UBR3: variants seen among roughly 807,000 people sequenced by gnomAD.
The protein encoded by UBR3 is E3 ubiquitin-protein ligase UBR3.
UBR3 carries 85 observed loss-of-function variants against 243.2 expected under a neutral mutation model. The ratio of observed to expected loss-of-function variants is 0.35; its 90% CI spans 0.29 to 0.42. UBR3 has a LOEUF of 0.42. Ranked by LOEUF, UBR3 falls within the 10% of genes least tolerant of loss-of-function variation. The pLI, the probability that UBR3 is intolerant of heterozygous loss-of-function variation, is 1.00. For missense variants in UBR3, 1,686 were observed against 2,300.8 expected (o/e 0.73, Z 5.47); for synonymous variants, 748 against 799.8 (o/e 0.94, Z 1.09).
chr2:169,886,450 T>G (rs952481731), intron 5 of UBR3, among the ~76,000 whole-genome samples: 3 of 152,230 alleles, frequency 2.0e-5, no homozygotes, highest in African/African-American at 4.8e-5. Context: ...CTCAATATTG[T>G]GTTAAATATT....
chr2:169,969,848 C>T (rs977345082), intron 24 of UBR3, among the ~76,000 whole-genome samples: 8 of 151,452 alleles, frequency 5.3e-5, no homozygotes, highest in African/African-American at 1.7e-4. Context: ...CACGCCCGGC[C>T]TGTGTCTGTT....
In UBR3 at chr2:169,827,521, C is replaced by T; in HGVS notation, c.14C>T (p.Ala5Val). The stretch of plus-strand genomic sequence containing the variant: ...TGAGCTCTCATCATGGCGGCGGCGG[C>T]CGCGGCGGCCGTCGGGGGCCAGCAG... MAAAAAAAVGGQQPS... is the reference protein window; with the variant it reads MAAAVAAAVGGQQPS... Residue 5 changes from alanine (A) to valine (V), a missense_variant, in exon 1 of 39, where the codon GCC (alanine) becomes GTC (valine). Physicochemically the swap from Ala to Val is moderately conservative, Grantham distance 64. This residue lies in a region of UBR3 where 79 missense variants were observed against 73.2 expected (regional missense o/e 1.08). Transcript: ENST00000272793. 8.2e-7 allele frequency: 1 copy of T among 1,225,432 alleles called. No individual in the cohort carries two copies. The allele number at this position is 1,225,432 out of a possible 1,614,324, so 75.9% of individuals were successfully genotyped here.
intron 35 of UBR3, among the ~76,000 whole-genome samples, chr2:170,063,811 T>C (rs2091499552): frequency 6.6e-6 from 1 of 152,216 alleles, no homozygotes; most frequent in Admixed American, 6.5e-5. Flanking sequence ...AAATTAACTC[T>C]TGCTATGAAC....
intron 8 of UBR3, among the ~76,000 whole-genome samples, chr2:169,897,871 A>G (rs1019199084): frequency 6.6e-5 from 10 of 152,170 alleles, no homozygotes; most frequent in African/African-American, 2.4e-4. Context: ...GTATTGTTTC[A>G]ATTAAGCTTC....
intron 1 of UBR3, among the ~76,000 whole-genome samples, chr2:169,836,057 ATATATATATATTTTTTTTTTT>A (rs1558998895): frequency 1.4e-4 from 6 of 41,824 alleles, no homozygotes; most frequent in South Asian, 1.8e-3. Flanking sequence ...ATATATATAT[ATATATATATATTTTTTTTTTT>A]TTTTTTTTTT....
chr2:169,944,296 A>G (rs1179145355), intron 20 of UBR3, among the ~76,000 whole-genome samples: 1 of 152,172 alleles, frequency 6.6e-6, no homozygotes, highest in African/African-American at 2.4e-5. Flanking sequence ...TAGAAGTTAA[A>G]TAACTAGTTC....
chr2:169,831,338 CAG>C (rs1227043162), intron 1 of UBR3, among the ~76,000 whole-genome samples: 1 of 148,834 alleles, frequency 6.7e-6, no homozygotes. Flanking sequence ...TTAGTAAAGA[CAG>C]GGTTTCTCCA....
chr2:170,017,838 A>T (rs778721603), intron 30 of UBR3, among the ~76,000 whole-genome samples: 1 of 152,188 alleles, frequency 6.6e-6, no homozygotes, highest in Non-Finnish European at 1.5e-5. Context: ...TGGTATTTTA[A>T]TAATATAATA....
At chr2:169,835,239 C>T (rs923203411) in intron 1 of UBR3, among the ~76,000 whole-genome samples, 4 of 152,016 alleles carry the variant, frequency 2.6e-5, no homozygotes, top group Admixed American at 1.3e-4. Flanking sequence ...CACCTGTAGT[C>T]CCAGCTACTC....
chr2:170,029,326 C>T lies in UBR3; in HGVS notation c.4454-20C>T. On this transcript the variant is annotated intron_variant, in intron 30 of 38. Coordinates refer to ENST00000272793, the MANE Select transcript of UBR3 (RefSeq NM_172070.4). ...ACAAATGTGTGAACTTTCTAATTAC[C>T]TTTTCTTCAATTTTTTCAGATCAGC... The T allele has an allele frequency of 3.2e-6, 5 of 1,575,530 alleles. No individual in the cohort carries two copies. The highest frequency in any genetic ancestry group is 4.3e-6 in the Non-Finnish European group (5 of 1,163,402).
At chr2:170,065,018 T>C (rs2091531366) in intron 35 of UBR3, among the ~76,000 whole-genome samples, 2 of 151,832 alleles carry the variant, frequency 1.3e-5, no homozygotes, top group South Asian at 2.1e-4. Flanking sequence ...AATTTTTGTA[T>C]TTTTAGTAGA....
chr2:169,864,748 T>A (rs1048002898), intron 1 of UBR3, among the ~76,000 whole-genome samples: 17 of 150,900 alleles, frequency 1.1e-4, no homozygotes, highest in Admixed American at 4.6e-4. Context: ...CTAAAAAAAA[T>A]ACAAAAAAAT....
At chr2:170,029,498 A>G in intron 31 of UBR3, 50 bp downstream of exon 31, 1 of 1,408,982 alleles carries the variant, frequency 7.1e-7, no homozygotes, top group East Asian at 2.3e-5. Context: ...TATGAAAAAC[A>G]GGTGTTAAAT....
intron 36 of UBR3, among the ~76,000 whole-genome samples, chr2:170,074,427 T>C (rs1203780241): frequency 6.6e-6 from 1 of 152,144 alleles, no homozygotes; most frequent in African/African-American, 2.4e-5. Context: ...CCATTGCTGA[T>C]GCCCCATTGC....
At position 169,959,098 on chromosome 2, in the gene UBR3, A is replaced by G. The variant is rs13417847; in HGVS notation, c.3634+572A>G. 3.9e-3 allele frequency among the ~76,000 whole-genome samples: 585 copies of G among 150,076 alleles called. 1 individual carries two copies. Among genetic ancestry groups the G allele is most frequent in the African/African-American group, 0.014 (568 of 40,222 alleles). On this transcript the variant is annotated intron_variant, in intron 24 of 38. Coordinates refer to ENST00000272793, the MANE Select transcript of UBR3 (RefSeq NM_172070.4). ...CTTCCCTGACTATTTCTTCCATTCC[A>G]GCAAATTTTTTTCTTTGATTTTTAG... is the stretch of plus-strand genomic sequence containing the variant.
intron 25 of UBR3, among the ~76,000 whole-genome samples, chr2:169,993,396 C>T (rs2105393651): frequency 6.6e-6 from 1 of 152,288 alleles, no homozygotes; most frequent in South Asian, 2.1e-4. Context: ...TCTTGATCCA[C>T]AATCGAATAA....
intron 6 of UBR3, among the ~76,000 whole-genome samples, chr2:169,892,938 A>T (rs2084430541): frequency 6.6e-6 from 1 of 152,114 alleles, no homozygotes; most frequent in Non-Finnish European, 1.5e-5. Flanking sequence ...CTTAATTAAA[A>T]CCTTTGCTTT....
intron 1 of UBR3, among the ~76,000 whole-genome samples, chr2:169,839,078 T>C (rs1273037829): frequency 6.6e-6 from 1 of 152,228 alleles, no homozygotes; most frequent in East Asian, 1.9e-4. Context: ...CCCATGCTTA[T>C]TGCAGCACCA....
chr2:169,949,879 A>C lies in UBR3; in HGVS notation c.3359A>C (p.Gln1120Pro). 1 of 1,606,712 alleles carries C rather than the reference A, an allele frequency of 6.2e-7. No individual in the cohort carries two copies. Among genetic ancestry groups the C allele is most frequent in the Non-Finnish European group, 8.5e-7 (1 of 1,175,794 alleles). Residue 1120 changes from glutamine to proline, a missense_variant, in exon 23 of 39, where the codon CAA becomes CCA. Gln to Pro is a moderately conservative substitution (Grantham distance 76). Around this residue, in one of 8 missense-constraint regions of UBR3, gnomAD observed 300 missense variants for 314.4 expected, o/e 0.95. Transcript: ENST00000272793. ...CTTGATGACATAGAAATTTTAATCC[A>C]ACCAGAAATTCCTAAATACAGTCAT... is the stretch of plus-strand genomic sequence containing the variant. ...PWLDDIEILI[Q>P]PEIPKYSHGD...
Sources: allele counts gnomAD v4.1 joint callset (sites outside exome capture counted in the v4.1 genomes callset), GRCh38; gene constraint gnomAD v4.1.1; regional missense constraint gnomAD v4.1.1; transcripts MANE v1.5; gene names NCBI Gene and HGNC (gene_info 2026-07-23, HGNC 2026-07-21).